RBM42: variants seen among roughly 807,000 people sequenced by gnomAD.
RBM42 encodes the protein RNA binding motif protein 42.
In RBM42, 21 loss-of-function variants were observed where a neutral mutation model predicts 41.4. That is an observed-to-expected ratio of 0.51 (90% CI 0.36 to 0.73). The LOEUF is 0.73. Ranked by LOEUF, RBM42 falls within the 30% of genes least tolerant of loss-of-function variation. The pLI is 0.00. For missense variants in RBM42, 539 were observed against 680.4 expected (o/e 0.79, Z 2.31); for synonymous variants, 272 against 271.2 (o/e 1.00, Z -0.03).
In RBM42 at chr19:35,633,070, C is replaced by T. The variant is rs1200771184; in HGVS notation, c.509-7C>T. 1 of 1,612,256 alleles carries T rather than the reference C, an allele frequency of 6.2e-7. No individual in the cohort carries two copies. The highest frequency in any genetic ancestry group is 1.7e-5 in the Admixed American group (1 of 60,008). On this transcript the variant is annotated splice_region_variant and splice_polypyrimidine_tract_variant and intron_variant, in intron 5 of 9. Transcript: ENST00000262633. ...GGCCCTGGAACTCCCCACTAACACC[C>T]TGACAGATTCCGCTCTCTCCTCTGC...
chr19:35,631,379 G>T lies in RBM42; in HGVS notation c.416G>T (p.Arg139Leu). Residue 139 changes from arginine to leucine, a missense_variant, in exon 4 of 10, where the codon CGA (arginine) becomes CTA (leucine). Arg to Leu is a moderately radical substitution (Grantham distance 102, BLOSUM62 -2). Around this residue, in one of 2 missense-constraint regions of RBM42, gnomAD observed 429 missense variants for 488.9 expected, o/e 0.88. Transcript: ENST00000262633. ...DRSHLDSPEAREAMFLRRAAV... is the reference protein window; with the variant it reads ...DRSHLDSPEALEAMFLRRAAV... ...AGTCACCTGGACAGCCCAGAGGCTC[G>T]AGAAGCCATGTTCCTGCGGCGGGCA... The T allele has an allele frequency of 6.2e-7, 1 of 1,614,212 alleles. No homozygotes were observed. Among genetic ancestry groups the T allele is most frequent in the Non-Finnish European group, 8.5e-7 (1 of 1,180,038 alleles).
intron 4 of RBM42, 134 bp downstream of exon 4, chr19:35,631,539 G>A (rs2285415): frequency 0.6 from 470,555 of 789,186 alleles, 143,397 homozygotes; most frequent in African/African-American, 0.78. Context: ...CCTAAAGCAC[G>A]AACCTGATCA....
chr19:35,629,196 G>A lies in RBM42; in HGVS notation c.43G>A (p.Gly15Arg). 2.6e-6 allele frequency: 4 copies of A among 1,535,202 alleles called. No homozygotes were observed. Among genetic ancestry groups the A allele is most frequent in the South Asian group, 2.4e-5 (2 of 83,712 alleles). Residue 15 changes from glycine (G) to arginine (R), a missense_variant, in exon 1 of 10, where the codon GGA (glycine) becomes AGA (arginine). By Grantham distance (125) the Gly-to-Arg change is moderately radical. Coordinates refer to ENST00000262633, the MANE Select transcript of RBM42 (RefSeq NM_024321.5). ...AGCCCCGGGACTCCCGGGTGCAGGA[G>A]GACCCGTGGTCCCGGGTCCTGGCGC... The part of the protein sequence containing the change: ...GPAPGLPGAG[G>R]PVVPGPGAGI...
rs958606019 is a variant in RBM42, at chr19:35,629,764, T to C, written c.282+91T>C. 2.9e-6 allele frequency: 4 copies of C among 1,372,302 alleles called. No individual in the cohort carries two copies. The African/African-American group carries it at 5.8e-5, about 20-fold the overall frequency. The allele number at this position is 1,372,302 out of a possible 1,614,324, so 85.0% of individuals were successfully genotyped here. ...ACAGAGAGCTGTTGACGTTTTGGCTTGTTGACTAATTAGCATGACAAATAT... is the reference window on the plus strand; with the variant it reads ...ACAGAGAGCTGTTGACGTTTTGGCTCGTTGACTAATTAGCATGACAAATAT... On this transcript the variant is annotated intron_variant, in intron 2 of 9. Coordinates refer to ENST00000262633, the MANE Select transcript of RBM42 (RefSeq NM_024321.5).
chr19:35,634,003 G>T lies in RBM42; in HGVS notation c.1001G>T (p.Gly334Val). 6.6e-7 allele frequency: 1 copy of T among 1,516,532 alleles called. No individual in the cohort carries two copies. Among genetic ancestry groups the T allele is most frequent in the Admixed American group, 2.1e-5 (1 of 47,410 alleles). 93.9% of individuals were successfully genotyped at this position (1,516,532 alleles called of 1,614,324 possible). ...PRPPRPEPPP[G>V]LMALEVPEPL... ...CCCCCTCGGCCAGAGCCACCCCCAG[G>T]CCTCATGGCTCTTGAGGTAAGCAGG... Residue 334 changes from glycine (G) to valine (V), a missense_variant, in exon 7 of 10, where the codon GGC becomes GTC. Transcript: ENST00000262633.
Position 35,637,186 on chromosome 19 carries a change from G to C in RBM42, c.1164G>C (p.Leu388=), listed in dbSNP as rs1239146062. ...ADDFRIFCGD[L]GNEVNDDILA... ...ACTTCCGGATCTTCTGTGGGGATCTGGGCAATGAGGTGAACGATGACATCT... is the reference window on the plus strand; with the variant it reads ...ACTTCCGGATCTTCTGTGGGGATCTCGGCAATGAGGTGAACGATGACATCT... Residue 388 remains leucine, a synonymous_variant, in exon 9 of 10, where the codon CTG becomes CTC. Transcript: ENST00000262633. The surrounding 1 kb of genome is among the most constrained non-coding windows in gnomAD (Gnocchi z 7.0). The C allele has an allele frequency of 2.5e-6, 4 of 1,613,876 alleles. No homozygotes were observed. Among genetic ancestry groups the C allele is most frequent in the Non-Finnish European group, 3.4e-6 (4 of 1,179,972 alleles).
Position 35,637,427 on chromosome 19 carries a change from CCT to C in RBM42, c.1331-12_1331-11del. The C allele has an allele frequency of 6.2e-7, 1 of 1,613,880 alleles. No individual in the cohort carries two copies. Among genetic ancestry groups the C allele is most frequent in the Non-Finnish European group, 8.5e-7 (1 of 1,179,858 alleles). Reference sequence around the variant, plus strand: ...AGCCTGACCCGAGCCTGCCTTGAACCCTCTGTCTCCACAGGGAAGTATGTGGG... The same window carrying C: ...AGCCTGACCCGAGCCTGCCTTGAACCCTGTCTCCACAGGGAAGTATGTGGG... On this transcript the variant is annotated splice_polypyrimidine_tract_variant and intron_variant, in intron 9 of 9. Transcript: ENST00000262633. The surrounding 1 kb of genome is among the most constrained non-coding windows in gnomAD (Gnocchi z 7.0).
Position 35,631,354 on chromosome 19 carries a change from A to C in RBM42, c.391A>C (p.Ser131Arg), listed in dbSNP as rs1348067940. The change falls in exon 4 of 10, where the codon AGT (serine) becomes CGT (arginine). Residue 131 changes from serine (S) to arginine (R), a missense_variant. By Grantham distance (110) the Ser-to-Arg change is moderately radical. This residue lies in a region of RBM42 where 429 missense variants were observed against 488.9 expected (regional missense o/e 0.88). Coordinates refer to ENST00000262633, the MANE Select transcript of RBM42 (RefSeq NM_024321.5). ...AGTTGGCTTTGGCCCTGGTGATCGG[A>C]GTCACCTGGACAGCCCAGAGGCTCG... is the stretch of plus-strand genomic sequence containing the variant. ...GPVGFGPGDRSHLDSPEAREA... is the reference protein window; with the variant it reads ...GPVGFGPGDRRHLDSPEAREA... The C allele has an allele frequency of 6.2e-7, 1 of 1,614,050 alleles. No homozygotes were observed. The highest frequency in any genetic ancestry group is 2.2e-5 in the East Asian group (1 of 44,898).
chr19:35,633,050 T>C (rs575279123), intron 5 of RBM42, 27 bp from the exon 6 acceptor site: 2 of 1,610,114 alleles, frequency 1.2e-6, no homozygotes, highest in East Asian at 2.2e-5. Flanking sequence ...CCCCAGGCCC[T>C]GGAACTCCCC....
At chr19:35,633,460 G>C (rs1967441485) in intron 6 of RBM42, among the ~76,000 whole-genome samples, 1 of 152,246 alleles carries the variant, frequency 6.6e-6, no homozygotes, top group Non-Finnish European at 1.5e-5. Flanking sequence ...AGAGAAACAT[G>C]CTATTGGAAT....
In RBM42 at chr19:35,633,255, G is replaced by C; in HGVS notation, c.684+3G>C. On this transcript the variant is annotated splice_donor_region_variant and intron_variant, in intron 6 of 9. Coordinates refer to ENST00000262633, the MANE Select transcript of RBM42 (RefSeq NM_024321.5). ...TGGCTGCACTGAGGCCCCCTCTGGT[G>C]AGTGTGAACAGGGAACTAACGGTCA... 1.3e-6 allele frequency: 2 copies of C among 1,571,294 alleles called. No individual in the cohort carries two copies. Among genetic ancestry groups the C allele is most frequent in the Non-Finnish European group, 1.7e-6 (2 of 1,162,236 alleles).
intron 4 of RBM42, among the ~76,000 whole-genome samples, chr19:35,632,673 C>T (rs1967425737): frequency 6.6e-6 from 1 of 152,084 alleles, no homozygotes; most frequent in Non-Finnish European, 1.5e-5. Context: ...TCCTCTGGAC[C>T]AGGAGCTCCC....
Position 35,631,167 on chromosome 19 carries a change from G to A in RBM42, c.310G>A (p.Ala104Thr). 6.2e-7 allele frequency: 1 copy of A among 1,614,200 alleles called. No homozygotes were observed. The highest frequency in any genetic ancestry group is 8.5e-7 in the Non-Finnish European group (1 of 1,180,044). The stretch of plus-strand genomic sequence containing the variant: ...CCAGCAGACTCTGGAGGCCCGAGCA[G>A]CTGCTGCAGCCACAGTAGTTCCTCC... ...QVQQTLEARA[A>T]AAATVVPPMV... is the part of the protein sequence containing the mutation. Residue 104 changes from alanine to threonine, a missense_variant, in exon 3 of 10, where the codon GCT (alanine) becomes ACT (threonine). By Grantham distance (58) the Ala-to-Thr change is moderately conservative. This residue lies in a region of RBM42 where 429 missense variants were observed against 488.9 expected (regional missense o/e 0.88). Transcript: ENST00000262633.
In RBM42 at chr19:35,633,934, C is replaced by T. The variant is rs1445480043; in HGVS notation, c.932C>T (p.Pro311Leu). 4.4e-6 allele frequency: 7 copies of T among 1,581,828 alleles called. No individual in the cohort carries two copies. The highest frequency in any genetic ancestry group is 1.1e-5 in the South Asian group (1 of 87,168). Residue 311 changes from proline (P) to leucine (L), a missense_variant, in exon 7 of 10, where the codon CCG becomes CTG. Around this residue, in one of 2 missense-constraint regions of RBM42, gnomAD observed 429 missense variants for 488.9 expected, o/e 0.88. Coordinates refer to ENST00000262633, the MANE Select transcript of RBM42 (RefSeq NM_024321.5). Reference protein sequence around the residue: ...PLEVVRGLLPPLRIPELLSLR... With the variant: ...PLEVVRGLLPLLRIPELLSLR... ...GAGGTCGTCCGCGGCCTCCTGCCCCCGCTGCGCATTCCTGAACTCCTGTCC... is the reference window on the plus strand; with the variant it reads ...GAGGTCGTCCGCGGCCTCCTGCCCCTGCTGCGCATTCCTGAACTCCTGTCC...
intron 2 of RBM42, among the ~76,000 whole-genome samples, chr19:35,630,459 C>T (rs866716633): frequency 6.6e-6 from 1 of 151,714 alleles, no homozygotes; most frequent in Non-Finnish European, 1.5e-5. Flanking sequence ...TCTTGTAGAG[C>T]CTTATGGCCA....
rs1293905508 is a variant in RBM42, at chr19:35,629,576, C to T, written c.185C>T (p.Ala62Val). The change falls in exon 2 of 10, where the codon GCG (alanine) becomes GTG (valine). Residue 62 changes from alanine to valine, a missense_variant. Transcript: ENST00000262633. The stretch of plus-strand genomic sequence containing the variant: ...CCTGGAATCCCAACTGCTGTGCCTG[C>T]GGTGCCCACTGTCCCCACGGTCCCC... ...PVPGIPTAVP[A>V]VPTVPTVPTV... is the part of the protein sequence containing the mutation. The T allele has an allele frequency of 3.7e-6, 6 of 1,614,188 alleles. No individual in the cohort carries two copies. In the South Asian group the frequency reaches 4.4e-5, roughly 12 times the overall value.
chr19:35,637,618 G>A lies in RBM42; in HGVS notation c.*64G>A. On this transcript the variant is annotated 3_prime_UTR_variant, in exon 10 of 10. Transcript: ENST00000262633. The surrounding 1 kb of genome is among the most constrained non-coding windows in gnomAD (Gnocchi z 7.0). ...CTGGCTCCTCCCTCAGTTCTCTTTG[G>A]AAAACCCCCAGCTGTCCACCCATCC... The A allele has an allele frequency of 7.7e-7, 1 of 1,298,844 alleles. No homozygotes were observed. Among genetic ancestry groups the A allele is most frequent in the Non-Finnish European group, 1.1e-6 (1 of 916,006 alleles). 80.5% of individuals were successfully genotyped at this position (1,298,844 alleles called of 1,614,324 possible). A position where few individuals can be genotyped will look rare whatever the true frequency, so the allele number is the denominator to read the frequency against.
chr19:35,629,211 G>A lies in RBM42; in HGVS notation c.58G>A (p.Gly20Ser), dbSNP rs555657149. 3 of 1,538,068 alleles carry A rather than the reference G, an allele frequency of 2.0e-6. No homozygotes were observed. Among genetic ancestry groups the A allele is most frequent in the Admixed American group, 2.0e-5 (1 of 50,234 alleles). Residue 20 changes from glycine to serine, a missense_variant, in exon 1 of 10, where the codon GGT becomes AGT. Coordinates refer to ENST00000262633, the MANE Select transcript of RBM42 (RefSeq NM_024321.5). Reference protein sequence around the residue: ...LPGAGGPVVPGPGAGIPGKSG... With the variant: ...LPGAGGPVVPSPGAGIPGKSG... The stretch of plus-strand genomic sequence containing the variant: ...GGGTGCAGGAGGACCCGTGGTCCCG[G>A]GTCCTGGCGCTGGCATCCCGGGCAA...
At position 35,634,193 on chromosome 19, in the gene RBM42, G is replaced by T; in HGVS notation, c.1018-63G>T. ...TTACTGTGGTGGCAGGAGGGCCGGGGACCAAAGGACAGTGGGAGACCCCAA... is the reference window on the plus strand; with the variant it reads ...TTACTGTGGTGGCAGGAGGGCCGGGTACCAAAGGACAGTGGGAGACCCCAA... On this transcript the variant is annotated intron_variant, in intron 7 of 9. Coordinates refer to ENST00000262633, the MANE Select transcript of RBM42 (RefSeq NM_024321.5). The T allele has an allele frequency of 4.4e-6, 7 of 1,583,440 alleles. No individual in the cohort carries two copies. In the South Asian group the frequency reaches 5.6e-5, roughly 13 times the overall value.
Sources: gnomAD v4.1 joint callset for allele counts (sites outside exome capture counted in the v4.1 genomes callset) on GRCh38, gnomAD v4.1.1 for gene constraint, gnomAD v4.1.1 regional missense constraint, Gnocchi (gnomAD v3.1) non-coding constraint, MANE v1.5 for transcripts, NCBI Gene and HGNC (gene_info 2026-07-23, HGNC 2026-07-21) for gene names.